Variants in SFXN5 observed in about 807,000 individuals in gnomAD.
SFXN5 encodes the protein sideroflexin-5.
Under a neutral mutation model 50.2 loss-of-function variants are expected in SFXN5, and 43 were observed. The ratio of observed to expected loss-of-function variants is 0.86; its 90% CI spans 0.67 to 1.11. The LOEUF (loss-of-function observed/expected upper bound fraction) is 1.11. Ranked by LOEUF, SFXN5 falls within the 50% of genes least tolerant of loss-of-function variation. The pLI is 0.00. For missense variants in SFXN5, 463 were observed against 454.1 expected, an observed-to-expected ratio of 1.02 and a Z score of -0.18; for synonymous variants, 203 against 185.8, an observed-to-expected ratio of 1.09 and a Z score of -0.75.
At chr2:72,999,577 G>C (rs918781994) in intron 8 of SFXN5, among the ~76,000 whole-genome samples, 1 of 151,894 alleles carries the variant, frequency 6.6e-6, no homozygotes, top group Non-Finnish European at 1.5e-5. Flanking sequence ...AGGTCTAGAA[G>C]TGTCTGGTTT....
At chr2:73,011,919 C>G (rs1356616763) in intron 6 of SFXN5, among the ~76,000 whole-genome samples, 1 of 152,176 alleles carries the variant, frequency 6.6e-6, no homozygotes, top group African/African-American at 2.4e-5. Flanking sequence ...GCAAAAATGG[C>G]TTTACAAAGA....
intron 6 of SFXN5, chr2:73,019,983 C>A (rs1676654687): frequency 2.3e-6 from 1 of 431,184 alleles, no homozygotes; most frequent in East Asian, 4.3e-5. Flanking sequence ...ACAGTGGGGA[C>A]AGAAAACGTG....
chr2:72,977,456 A>G (rs975861239), intron 10 of SFXN5, among the ~76,000 whole-genome samples: 4 of 152,190 alleles, frequency 2.6e-5, no homozygotes, highest in African/African-American at 7.2e-5. Flanking sequence ...AATAAACATG[A>G]ACTCAATCTC....
chr2:72,944,906 G>A lies in SFXN5; in HGVS notation c.*116C>T. On this transcript the variant is annotated 3_prime_UTR_variant, in exon 14 of 14. Transcript: ENST00000272433. ...CTGTAGGTTGAGCACTCTCCCAGGG[G>A]GCCCAGGACTGCTGGGGTTGGCGTG... is the stretch of plus-strand genomic sequence containing the variant. 1.2e-6 allele frequency: 1 copy of A among 865,176 alleles called. No individual in the cohort carries two copies. Among genetic ancestry groups the A allele is most frequent in the Non-Finnish European group, 1.8e-6 (1 of 548,572 alleles). The allele number at this position is 865,176 out of a possible 1,614,324, so 53.6% of individuals were successfully genotyped here. A position where few individuals can be genotyped will look rare whatever the true frequency, so the allele number is the denominator to read the frequency against.
At chr2:72,957,322 G>C (rs770952106) in intron 13 of SFXN5, among the ~76,000 whole-genome samples, 22 of 152,114 alleles carry the variant, frequency 1.4e-4, no homozygotes, top group Admixed American at 9.8e-4. Context: ...TCTGGCAAAT[G>C]GTAGCCATTA....
intron 12 of SFXN5, among the ~76,000 whole-genome samples, chr2:72,968,169 A>ACACACACACAC (rs1674681353): frequency 7.1e-6 from 1 of 141,738 alleles, no homozygotes; most frequent in Non-Finnish European, 1.5e-5. Flanking sequence ...ACACACACAC[A>ACACACACACAC]ACTGCCAGCT....
chr2:72,966,594 A>G (rs1405347439), intron 12 of SFXN5, among the ~76,000 whole-genome samples: 1 of 152,168 alleles, frequency 6.6e-6, no homozygotes, highest in Non-Finnish European at 1.5e-5. Context: ...TTCTAGGGTG[A>G]GAGAGGGCTC....
In SFXN5 at chr2:72,944,991, C is replaced by G. The variant is rs775784451; in HGVS notation, c.*31G>C. ...CCTGCCCCTCAGCTCCCCGGCTGCACAGTGCTCCGTCCCCAGGCCGCTGAC... is the reference window on the plus strand; with the variant it reads ...CCTGCCCCTCAGCTCCCCGGCTGCAGAGTGCTCCGTCCCCAGGCCGCTGAC... On this transcript the variant is annotated 3_prime_UTR_variant, in exon 14 of 14. Transcript: ENST00000272433. 1 of 1,606,262 alleles carries G rather than the reference C, an allele frequency of 6.2e-7. No homozygotes were observed. Among genetic ancestry groups the G allele is most frequent in the South Asian group, 1.1e-5 (1 of 90,112 alleles).
At chr2:72,995,637 T>C (rs1299049622) in intron 9 of SFXN5, among the ~76,000 whole-genome samples, 2 of 152,112 alleles carry the variant, frequency 1.3e-5, no homozygotes, top group African/African-American at 4.8e-5. Flanking sequence ...TTTTAATTAA[T>C]GCCAGAGCTG....
chr2:73,068,390 C>G (rs1034688982), intron 1 of SFXN5, among the ~76,000 whole-genome samples: 6 of 152,268 alleles, frequency 3.9e-5, no homozygotes, highest in African/African-American at 9.6e-5. Flanking sequence ...GCTCATCAAC[C>G]CAGTACATAT....
intron 2 of SFXN5, among the ~76,000 whole-genome samples, chr2:73,047,245 AATATATAT>A (rs1167103035): frequency 3.9e-3 from 73 of 18,910 alleles, no homozygotes; most frequent in African/African-American, 0.011. Flanking sequence ...AAAAAAAAAA[AATATATAT>A]ATATATATAT....
intron 13 of SFXN5, among the ~76,000 whole-genome samples, chr2:72,946,561 C>T (rs151062518): frequency 0.014 from 2,186 of 152,202 alleles, 86 homozygotes; most frequent in Non-Finnish European, 0.012. Context: ...GGTTCACAGC[C>T]GCCTGCCTGC....
chr2:72,974,917 C>G (rs1191079517), intron 10 of SFXN5, among the ~76,000 whole-genome samples: 1 of 151,696 alleles, frequency 6.6e-6, no homozygotes, highest in Non-Finnish European at 1.5e-5. Context: ...CACAGGTCTC[C>G]TCTCCAACAC....
At chr2:72,990,554 C>T (rs963634072) in intron 9 of SFXN5, among the ~76,000 whole-genome samples, 3 of 152,194 alleles carry the variant, frequency 2.0e-5, no homozygotes, top group Non-Finnish European at 4.4e-5. Context: ...GCACTTCCTA[C>T]GTGAGGCCAC....
At chr2:72,974,361 A>T (rs1670375955) in intron 10 of SFXN5, among the ~76,000 whole-genome samples, 2 of 152,182 alleles carry the variant, frequency 1.3e-5, no homozygotes. Flanking sequence ...CGAGCAGGAC[A>T]GCTTTGGTTC....
At position 72,944,818 on chromosome 2, in the gene SFXN5, G is replaced by C. The variant is rs1354462828; in HGVS notation, c.*204C>G. 1.9e-6 allele frequency: 1 copy of C among 530,778 alleles called. No homozygotes were observed. Among genetic ancestry groups the C allele is most frequent in the Non-Finnish European group, 3.3e-6 (1 of 299,396 alleles). 32.9% of individuals were successfully genotyped at this position (530,778 alleles called of 1,614,324 possible). On this transcript the variant is annotated 3_prime_UTR_variant, in exon 14 of 14. Transcript: ENST00000272433. ...CAGAAATGCACTTGATTATTTTTTT[G>C]TACGAAATGTGTTAGAACTCCTCTT...
intron 11 of SFXN5, among the ~76,000 whole-genome samples, chr2:72,969,069 A>C (rs1674838347): frequency 6.6e-6 from 1 of 152,094 alleles, no homozygotes; most frequent in South Asian, 2.1e-4. Flanking sequence ...CAGCATCCCA[A>C]AGTACTGGGA....
At chr2:73,002,442 T>C (rs976522572) in intron 6 of SFXN5, among the ~76,000 whole-genome samples, 2 of 152,252 alleles carry the variant, frequency 1.3e-5, no homozygotes, top group Non-Finnish European at 2.9e-5. Flanking sequence ...GTTTACCTTC[T>C]GAGTGTTTGT....
At chr2:73,028,903 G>A (rs969473359) in intron 3 of SFXN5, among the ~76,000 whole-genome samples, 2 of 152,196 alleles carry the variant, frequency 1.3e-5, no homozygotes, top group Non-Finnish European at 2.9e-5. Flanking sequence ...TGGCTCTGTC[G>A]CTTACTCCAT....
Sources: gnomAD v4.1 joint callset for allele counts (sites outside exome capture counted in the v4.1 genomes callset) on GRCh38, gnomAD v4.1.1 for gene constraint, MANE v1.5 for transcripts, NCBI Gene and HGNC (gene_info 2026-07-23, HGNC 2026-07-21) for gene names.